PHTF2: variants seen among roughly 807,000 people sequenced by gnomAD.
PHTF2 encodes protein PHTF2.
Under a neutral mutation model 101.2 loss-of-function variants are expected in PHTF2, and 60 were observed. The observed-to-expected ratio is 0.59, with a 90% CI of 0.48 to 0.73. PHTF2 has a LOEUF of 0.73. Ranked by LOEUF, PHTF2 falls within the 30% of genes least tolerant of loss-of-function variation. The pLI, the probability that PHTF2 is intolerant of heterozygous loss-of-function variation, is 0.00. For synonymous variants in PHTF2, 311 were observed against 307.3 expected, an observed-to-expected ratio of 1.01 and a Z score of -0.13; for missense variants, 747 against 908.7, an observed-to-expected ratio of 0.82 and a Z score of 2.29.
chr7:77,840,231 C>T (rs962963256), exon 2 of PHTF2: 2 of 1,577,568 alleles, frequency 1.3e-6, no homozygotes, highest in Non-Finnish European at 1.7e-6. Flanking sequence ...CCTAAAATGA[C>T]CAATGTGTGA....
At chr7:77,859,744 A>G (rs910415950) in intron 3 of PHTF2, among the ~76,000 whole-genome samples, 3 of 151,684 alleles carry the variant, frequency 2.0e-5, no homozygotes, top group Admixed American at 6.6e-5. Context: ...TAATTTTTTT[A>G]TTTTAATTTA....
intron 3 of PHTF2, chr7:77,854,954 C>A (rs1043042136): frequency 3.3e-6 from 2 of 609,038 alleles, no homozygotes; most frequent in African/African-American, 1.8e-5. Flanking sequence ...AGGAGCCTGC[C>A]TGGTGTTCTA....
intron 1 of PHTF2, among the ~76,000 whole-genome samples, chr7:77,813,789 G>A (rs17158292): frequency 0.021 from 3,152 of 152,182 alleles, 90 homozygotes; most frequent in African/African-American, 0.071. Context: ...CTGACTTACA[G>A]AAAATTTCTT....
intron 3 of PHTF2, among the ~76,000 whole-genome samples, chr7:77,892,666 G>C (rs1363161716): frequency 6.6e-6 from 1 of 152,166 alleles, no homozygotes; most frequent in African/African-American, 2.4e-5. Flanking sequence ...TTTGGATATG[G>C]GGAATTAAGT....
chr7:77,904,395 C>A (rs1283816925), intron 7 of PHTF2, among the ~76,000 whole-genome samples: 3 of 152,196 alleles, frequency 2.0e-5, no homozygotes, highest in Non-Finnish European at 4.4e-5. Context: ...AATGTAGTTA[C>A]ATATCTTTCT....
At chr7:77,951,697 T>A in exon 18 of PHTF2, 1 of 1,400,392 alleles carries the variant, frequency 7.1e-7, no homozygotes, top group East Asian at 2.6e-5. Context: ...TAAAACTGGC[T>A]ACTAAACTGC....
intron 11 of PHTF2, chr7:77,924,115 A>G: frequency 7.3e-6 from 7 of 957,004 alleles, no homozygotes; most frequent in African/African-American, 1.8e-5. Context: ...CTCTTAAACC[A>G]GCTTTAAAGG....
At chr7:77,928,486 T>TAA (rs11403130) in intron 11 of PHTF2, among the ~76,000 whole-genome samples, 5 of 146,556 alleles carry the variant, frequency 3.4e-5, no homozygotes, top group African/African-American at 1.0e-4. Context: ...CACTCTTGCT[T>TAA]AAAAAAAAAA....
chr7:77,864,983 G>T (rs962176243), intron 3 of PHTF2, among the ~76,000 whole-genome samples: 1 of 151,940 alleles, frequency 6.6e-6, no homozygotes, highest in African/African-American at 2.4e-5. Context: ...AGATTGTTCT[G>T]TCTTAATAAT....
At chr7:77,952,074 C>T (rs1394706369) in intron 18 of PHTF2, among the ~76,000 whole-genome samples, 1 of 151,902 alleles carries the variant, frequency 6.6e-6, no homozygotes, top group African/African-American at 2.4e-5. Context: ...TCTGGTTGGC[C>T]TGAGTTAGCT....
chr7:77,850,360 C>CAAAAAAAAAAAAAA (rs71082789), intron 2 of PHTF2, among the ~76,000 whole-genome samples: 45 of 44,394 alleles, frequency 1.0e-3, no homozygotes, highest in African/African-American at 2.2e-3. Flanking sequence ...GACCTTGTCT[C>CAAAAAAAAAAAAAA]AAAAAAAAAA....
intron 2 of PHTF2, among the ~76,000 whole-genome samples, chr7:77,854,560 C>T (rs547769651): frequency 6.6e-6 from 1 of 152,248 alleles, no homozygotes; most frequent in Admixed American, 6.5e-5. Flanking sequence ...TGCCCTACTC[C>T]CCGTACCCCC....
intron 2 of PHTF2, among the ~76,000 whole-genome samples, chr7:77,848,646 A>G (rs768403373): frequency 3.9e-5 from 6 of 152,096 alleles, no homozygotes; most frequent in African/African-American, 7.2e-5. Context: ...AATATTTTCT[A>G]TCATTCTGTA....
chr7:77,898,864 C>T (rs1322874193), intron 5 of PHTF2, among the ~76,000 whole-genome samples: 1 of 151,942 alleles, frequency 6.6e-6, no homozygotes, highest in African/African-American at 2.4e-5. Context: ...AATGGTGTGA[C>T]CTTGGTTTAT....
exon 10 of PHTF2, chr7:77,920,289 G>A (rs897425531): frequency 1.3e-6 from 2 of 1,573,284 alleles, no homozygotes; most frequent in African/African-American, 1.4e-5. Context: ...ATCAAAGAAA[G>A]CAAAGAATTC....
At chr7:77,884,923 T>A (rs1444317288) in intron 3 of PHTF2, among the ~76,000 whole-genome samples, 1 of 151,922 alleles carries the variant, frequency 6.6e-6, no homozygotes, top group Non-Finnish European at 1.5e-5. Context: ...AATAAATAAA[T>A]AAAAATATGG....
chr7:77,914,104 A>G (rs1049302312), intron 9 of PHTF2, among the ~76,000 whole-genome samples: 22 of 151,968 alleles, frequency 1.4e-4, no homozygotes, highest in African/African-American at 5.3e-4. Flanking sequence ...GAAATATCTA[A>G]TAAGTACCAT....
intron 1 of PHTF2, among the ~76,000 whole-genome samples, chr7:77,826,470 G>A (rs574736002): frequency 2.0e-5 from 3 of 152,226 alleles, no homozygotes; most frequent in Admixed American, 2.0e-4. Context: ...AGGCAACCCA[G>A]GATCTTTCCT....
intron 1 of PHTF2, among the ~76,000 whole-genome samples, chr7:77,828,312 T>G (rs1445596129): frequency 1.3e-5 from 2 of 152,206 alleles, no homozygotes; most frequent in Non-Finnish European, 2.9e-5. Flanking sequence ...AAAGGACCTT[T>G]AAGTACTTAA....
Sources: allele counts gnomAD v4.1 joint callset (sites outside exome capture counted in the v4.1 genomes callset), GRCh38; gene constraint gnomAD v4.1.1; transcripts MANE v1.5; gene names NCBI Gene and HGNC (gene_info 2026-07-23, HGNC 2026-07-21).